The following MEF2A variants were observed in gnomAD, a reference collection of about 807,000 sequenced individuals.
MEF2A encodes myocyte enhancer factor 2A, also known as myocyte-specific enhancer factor 2A.
Under a neutral mutation model 55.8 loss-of-function variants are expected in MEF2A, and 28 were observed. The ratio of observed to expected loss-of-function variants is 0.50; its 90% CI spans 0.37 to 0.69. MEF2A has a LOEUF of 0.69. Ranked by LOEUF, MEF2A falls within the 30% of genes least tolerant of loss-of-function variation. The probability of loss-of-function intolerance (pLI) is 0.00; values close to 1 mark genes in which losing one functional copy is unlikely to be tolerated. For missense variants in MEF2A, 528 were observed against 626.2 expected, an observed-to-expected ratio of 0.84 and a Z score of 1.67; for synonymous variants, 239 against 227.1, an observed-to-expected ratio of 1.05 and a Z score of -0.47.
At chr15:99,605,947 G>T (rs1974959917) in intron 2 of MEF2A, among the ~76,000 whole-genome samples, 1 of 152,136 alleles carries the variant, frequency 6.6e-6, no homozygotes, top group South Asian at 2.1e-4. Flanking sequence ...GGATTTTAAA[G>T]GAAATTTTGT....
chr15:99,674,082 C>T (rs1183935892), intron 5 of MEF2A, among the ~76,000 whole-genome samples: 1 of 151,974 alleles, frequency 6.6e-6, no homozygotes, highest in African/African-American at 2.4e-5. Flanking sequence ...TTTGTAATGT[C>T]TAAATATGAC....
In MEF2A at chr15:99,655,225, T is replaced by C. The variant is rs563672332; in HGVS notation, c.258+9461T>C. Among the ~76,000 whole-genome samples, 29 of 152,288 alleles carry C rather than the reference T, an allele frequency of 1.9e-4. No homozygotes were observed. The South Asian group carries it at 3.7e-3, about 20-fold the overall frequency. ...CAGAAATGTACCCACATATACATGG[T>C]TAATTGATTTTTGACAAAAGAGCCA... On this transcript the variant is annotated intron_variant, in intron 4 of 11. Coordinates refer to ENST00000557942, the MANE Select transcript of MEF2A (RefSeq NM_001319206.4).
At chr15:99,573,064 G>T (rs1050802456) in intron 1 of MEF2A, among the ~76,000 whole-genome samples, 1 of 152,102 alleles carries the variant, frequency 6.6e-6, no homozygotes, top group Non-Finnish European at 1.5e-5. Flanking sequence ...CGAGGCGGGC[G>T]ATTCACGAGG....
Position 99,711,363 on chromosome 15 carries a change from C to T in MEF2A, c.1136+603C>T, listed in dbSNP as rs895443979. Among the ~76,000 whole-genome samples, 5 of 152,226 alleles carry T rather than the reference C, an allele frequency of 3.3e-5. 1 individual carries two copies. Among genetic ancestry groups the T allele is most frequent in the African/African-American group, 1.2e-4 (5 of 41,458 alleles). On this transcript the variant is annotated intron_variant, in intron 11 of 11. Coordinates refer to ENST00000557942, the MANE Select transcript of MEF2A (RefSeq NM_001319206.4). ...CCAGCCCAATGCACACACCAAACCT[C>T]ATTCACAAAGAGAATGTTCCGTATG... is the stretch of plus-strand genomic sequence containing the variant.
intron 8 of MEF2A, among the ~76,000 whole-genome samples, chr15:99,691,978 A>G (rs1287976182): frequency 6.6e-6 from 1 of 152,206 alleles, no homozygotes; most frequent in Middle Eastern, 3.2e-3. Flanking sequence ...AAACTAGAAT[A>G]TATAATCAAG....
intron 3 of MEF2A, among the ~76,000 whole-genome samples, chr15:99,635,571 G>A (rs1039224052): frequency 2.0e-5 from 3 of 152,158 alleles, no homozygotes; most frequent in South Asian, 2.1e-4. Flanking sequence ...AGCACCACCC[G>A]AGAGGCACTC....
intron 1 of MEF2A, among the ~76,000 whole-genome samples, chr15:99,585,563 CT>C (rs1390328793): frequency 6.6e-6 from 1 of 152,068 alleles, no homozygotes; most frequent in Non-Finnish European, 1.5e-5. Flanking sequence ...TAATATTTGC[CT>C]TTCTGATGTC....
At chr15:99,627,419 CAAAAAAAAAAAAAAAA>C (rs139658538) in intron 2 of MEF2A, among the ~76,000 whole-genome samples, 1 of 43,046 alleles carries the variant, frequency 2.3e-5, no homozygotes, top group Admixed American at 4.1e-4. Context: ...GACTTTATCT[CAAAAAAAAAAAAAAAA>C]AAAAAAAAAA....
intron 3 of MEF2A, among the ~76,000 whole-genome samples, chr15:99,641,796 C>T (rs1009248194): frequency 1.3e-4 from 20 of 152,282 alleles, no homozygotes; most frequent in Middle Eastern, 3.4e-3. Context: ...TCCCTGACCC[C>T]GTACATTTTC....
At chr15:99,622,961 A>G (rs1164601435) in intron 2 of MEF2A, among the ~76,000 whole-genome samples, 3 of 151,718 alleles carry the variant, frequency 2.0e-5, no homozygotes, top group South Asian at 4.2e-4. Context: ...CGGCCTCCCA[A>G]AGTGTTGGGA....
At chr15:99,604,630 A>AT (rs957707652) in intron 2 of MEF2A, among the ~76,000 whole-genome samples, 2 of 146,398 alleles carry the variant, frequency 1.4e-5, no homozygotes, top group Non-Finnish European at 3.0e-5. Context: ...TATGGGCCAC[A>AT]TTTTTTTGCC....
intron 7 of MEF2A, among the ~76,000 whole-genome samples, chr15:99,684,100 G>A (rs879895121): frequency 6.6e-6 from 1 of 151,852 alleles, no homozygotes; most frequent in Non-Finnish European, 1.5e-5. Flanking sequence ...TATATATTAC[G>A]TTTTCTGTAT....
intron 1 of MEF2A, among the ~76,000 whole-genome samples, chr15:99,585,896 C>T (rs534482179): frequency 2.0e-5 from 3 of 151,578 alleles, no homozygotes; most frequent in Admixed American, 6.6e-5. Context: ...TTGTGTTCTT[C>T]GGTGGTATCT....
chr15:99,588,166 T>G (rs2152933820), intron 1 of MEF2A, among the ~76,000 whole-genome samples: 1 of 151,994 alleles, frequency 6.6e-6, no homozygotes, highest in African/African-American at 2.4e-5. Flanking sequence ...GCCCAGGCTG[T>G]TGTACAGTGG....
chr15:99,710,101 A>C (rs574673155), intron 10 of MEF2A, among the ~76,000 whole-genome samples: 4 of 152,334 alleles, frequency 2.6e-5, no homozygotes, highest in Admixed American at 2.6e-4. Context: ...ACACTCTTTA[A>C]TGATGGCCTC....
intron 2 of MEF2A, among the ~76,000 whole-genome samples, chr15:99,627,827 A>G (rs1368744350): frequency 2.6e-5 from 4 of 152,220 alleles, no homozygotes; most frequent in Non-Finnish European, 5.9e-5. Flanking sequence ...AATGCACAAA[A>G]AAGTTGAGGA....
chr15:99,657,123 T>C (rs1284303180), intron 4 of MEF2A, among the ~76,000 whole-genome samples: 1 of 152,130 alleles, frequency 6.6e-6, no homozygotes, highest in Non-Finnish European at 1.5e-5. Flanking sequence ...ATGGTAGCTG[T>C]ATCAGTCCTT....
At chr15:99,685,820 T>A (rs374086817) in intron 7 of MEF2A, among the ~76,000 whole-genome samples, 67 of 152,186 alleles carry the variant, frequency 4.4e-4, no homozygotes, top group African/African-American at 1.6e-3. Context: ...TGATACTGGC[T>A]TCATAGAATG....
At chr15:99,643,953 G>A (rs1227315455) in intron 3 of MEF2A, among the ~76,000 whole-genome samples, 1 of 152,062 alleles carries the variant, frequency 6.6e-6, no homozygotes, top group East Asian at 1.9e-4. Flanking sequence ...GGTGATTTGG[G>A]TATATGACAC....
Sources: allele counts gnomAD v4.1 joint callset (sites outside exome capture counted in the v4.1 genomes callset), GRCh38; gene constraint gnomAD v4.1.1; transcripts MANE v1.5; gene names NCBI Gene and HGNC (gene_info 2026-07-23, HGNC 2026-07-21).